Variants in ZNF385D observed in about 807,000 individuals in gnomAD.
ZNF385D encodes zinc finger protein 659.
Under a neutral mutation model 35.8 loss-of-function variants are expected in ZNF385D, and 15 were observed. That is an observed-to-expected ratio of 0.42 (90% CI 0.28 to 0.64). ZNF385D has a LOEUF of 0.64. Ranked by LOEUF, ZNF385D falls within the 30% of genes least tolerant of loss-of-function variation. ZNF385D has a pLI of 0.23. For missense variants in ZNF385D, 474 were observed against 494.6 expected, an observed-to-expected ratio of 0.96 and a Z score of 0.39; for synonymous variants, 212 against 186.8, an observed-to-expected ratio of 1.13 and a Z score of -1.10.
chr3:22,060,957 TTAAG>T lies in ZNF385D; in HGVS notation c.325+107856_325+107859del, dbSNP rs555652100. 1.5e-3 allele frequency among the ~76,000 whole-genome samples: 222 copies of T among 152,208 alleles called. 1 individual carries two copies. Among genetic ancestry groups the T allele is most frequent in the African/African-American group, 4.8e-3 (200 of 41,578 alleles). ...AAGTTAATTTCATATCAAATTAAAA[TTAAG>T]TAATGACATTTTTACTAAATAACTG... On this transcript the variant is annotated intron_variant, in intron 3 of 5. Transcript: ENST00000494108.
At chr3:21,731,138 C>T (rs2068977314) in intron 1 of ZNF385D, among the ~76,000 whole-genome samples, 1 of 152,094 alleles carries the variant, frequency 6.6e-6, no homozygotes, top group Non-Finnish European at 1.5e-5. Flanking sequence ...GTATTCCCTT[C>T]ACATATTTGT....
chr3:22,325,973 T>C (rs1410935969), intron 2 of ZNF385D, among the ~76,000 whole-genome samples: 1 of 152,120 alleles, frequency 6.6e-6, no homozygotes, highest in Non-Finnish European at 1.5e-5. Context: ...CCATACCTCA[T>C]AGCAGGTGCA....
chr3:22,059,053 C>G (rs1216671563), intron 3 of ZNF385D, among the ~76,000 whole-genome samples: 1 of 152,194 alleles, frequency 6.6e-6, no homozygotes, highest in Non-Finnish European at 1.5e-5. Flanking sequence ...TGGTAGGACA[C>G]ATTGTTTGGG....
At chr3:22,108,141 A>C (rs1559374856) in intron 3 of ZNF385D, among the ~76,000 whole-genome samples, 1 of 152,088 alleles carries the variant, frequency 6.6e-6, no homozygotes, top group East Asian at 1.9e-4. Context: ...ATTCTGTTAC[A>C]GCAGCATAAA....
chr3:22,188,387 T>C (rs1255678449), intron 2 of ZNF385D, among the ~76,000 whole-genome samples: 2 of 152,146 alleles, frequency 1.3e-5, no homozygotes, highest in Non-Finnish European at 2.9e-5. Flanking sequence ...AGAAACACAC[T>C]GATTCTGCTG....
At chr3:22,282,507 C>G (rs1042040608) in intron 2 of ZNF385D, among the ~76,000 whole-genome samples, 1 of 152,002 alleles carries the variant, frequency 6.6e-6, no homozygotes, top group African/African-American at 2.4e-5. Flanking sequence ...CATTCAGGAG[C>G]AGGTTATTTA....
At position 21,861,673 on chromosome 3, in the gene ZNF385D, G is replaced by A. The variant is rs114908859; in HGVS notation, c.326-196645C>T. On this transcript the variant is annotated intron_variant, in intron 3 of 5. Transcript: ENST00000494108. ...GGTGGATGTGGTCTTAATAGTATAA[G>A]AGCATGTAGTAAATACTGTGGTTGT... Among the ~76,000 whole-genome samples, 483 of 152,210 alleles carry A rather than the reference G, an allele frequency of 3.2e-3. 4 individuals carry two copies. Among genetic ancestry groups the A allele is most frequent in the African/African-American group, 0.011 (463 of 41,542 alleles).
At chr3:22,369,640 G>C (rs567752302) in intron 2 of ZNF385D, among the ~76,000 whole-genome samples, 3 of 152,106 alleles carry the variant, frequency 2.0e-5, no homozygotes, top group Admixed American at 6.5e-5. Context: ...AATAGCATTA[G>C]CATCCCAATG....
intron 3 of ZNF385D, among the ~76,000 whole-genome samples, chr3:21,873,394 T>C (rs1299731283): frequency 2.6e-5 from 4 of 152,176 alleles, no homozygotes; most frequent in African/African-American, 9.6e-5. Flanking sequence ...AGCCATGATA[T>C]AGTCTCAGCT....
chr3:22,146,029 T>G (rs564196346), intron 3 of ZNF385D, among the ~76,000 whole-genome samples: 198 of 152,256 alleles, frequency 1.3e-3, no homozygotes, highest in Non-Finnish European at 2.6e-3. Flanking sequence ...CAGTATCTGC[T>G]GGACTGATGA....
At chr3:21,745,870 G>T (rs1040407649) in intron 1 of ZNF385D, among the ~76,000 whole-genome samples, 2 of 152,126 alleles carry the variant, frequency 1.3e-5, no homozygotes, top group African/African-American at 4.8e-5. Context: ...AACCTCTAAT[G>T]TATATAATGG....
At chr3:21,989,117 C>A (rs904472647) in intron 3 of ZNF385D, among the ~76,000 whole-genome samples, 1 of 152,124 alleles carries the variant, frequency 6.6e-6, no homozygotes, top group African/African-American at 2.4e-5. Flanking sequence ...CCGTCTTCTG[C>A]GTCGCTCACG....
intron 3 of ZNF385D, among the ~76,000 whole-genome samples, chr3:21,779,267 T>C (rs1337100696): frequency 6.6e-6 from 1 of 151,962 alleles, no homozygotes; most frequent in African/African-American, 2.4e-5. Flanking sequence ...ATTGAGCAGA[T>C]TATTCAGGTC....
intron 3 of ZNF385D, among the ~76,000 whole-genome samples, chr3:21,973,233 T>A (rs975852611): frequency 1.3e-5 from 2 of 151,962 alleles, no homozygotes; most frequent in African/African-American, 4.8e-5. Context: ...CAAGTTGGAC[T>A]TTTTTCCAGG....
intron 2 of ZNF385D, among the ~76,000 whole-genome samples, chr3:22,197,486 C>T (rs1299517029): frequency 2.6e-5 from 4 of 152,018 alleles, no homozygotes; most frequent in Non-Finnish European, 4.4e-5. Context: ...TTGATTTTGA[C>T]GTATTTGTTC....
At chr3:21,784,900 G>A (rs1411817795) in intron 3 of ZNF385D, among the ~76,000 whole-genome samples, 1 of 151,894 alleles carries the variant, frequency 6.6e-6, no homozygotes, top group Non-Finnish European at 1.5e-5. Flanking sequence ...ATTTATCATG[G>A]ACTTTTTTGC....
intron 3 of ZNF385D, among the ~76,000 whole-genome samples, chr3:21,967,555 T>G (rs534993914): frequency 6.6e-6 from 1 of 152,120 alleles, no homozygotes; most frequent in Non-Finnish European, 1.5e-5. Context: ...AAGGAAAGCT[T>G]ATAGAGGGGA....
rs918116031 is a variant in ZNF385D at position 21,412,439 on chromosome 3, G to A, written c.*8775C>T. 6.6e-5 allele frequency: 10 copies of A among 151,788 alleles called. No homozygotes were observed. The East Asian group carries it at 1.7e-3, about 26-fold the overall frequency. 9.4% of individuals were successfully genotyped at this position (151,788 alleles called of 1,614,324 possible). ...TGTTCTAATATTCCTCTTCCTTAGAGCCTTCAAACTTAAACCAAGTTGAAA... is the reference window on the plus strand; with the variant it reads ...TGTTCTAATATTCCTCTTCCTTAGAACCTTCAAACTTAAACCAAGTTGAAA... On this transcript the variant is annotated 3_prime_UTR_variant, in exon 8 of 8. Coordinates refer to ENST00000281523, the MANE Select transcript of ZNF385D (RefSeq NM_024697.3).
intron 1 of ZNF385D, among the ~76,000 whole-genome samples, chr3:21,698,984 CT>C (rs1398785562): frequency 6.6e-6 from 1 of 152,162 alleles, no homozygotes; most frequent in Non-Finnish European, 1.5e-5. Context: ...AATCTCATTA[CT>C]GGGTTTATAC....
Sources: allele counts gnomAD v4.1 joint callset (sites outside exome capture counted in the v4.1 genomes callset), GRCh38; gene constraint gnomAD v4.1.1; transcripts MANE v1.5; gene names NCBI Gene and HGNC (gene_info 2026-07-23, HGNC 2026-07-21).